ALK: variants seen among roughly 807,000 people sequenced by gnomAD.
The protein encoded by ALK is ALK receptor tyrosine kinase.
Under a neutral mutation model 163.1 loss-of-function variants are expected in ALK, and 74 were observed. That is an observed-to-expected ratio of 0.45 (90% CI 0.38 to 0.55). ALK has a LOEUF of 0.55. ALK is among the 20% of genes least tolerant of loss of function. The pLI, the probability that ALK is intolerant of heterozygous loss-of-function variation, is 0.00. For synonymous variants in ALK, 960 were observed against 843.2 expected (o/e 1.14, Z -2.40); for missense variants, 2,063 against 2,105.3 (o/e 0.98, Z 0.39).
intron 1 of ALK, among the ~76,000 whole-genome samples, chr2:29,868,178 T>C (rs1232580373): frequency 6.6e-6 from 1 of 152,034 alleles, no homozygotes; most frequent in Admixed American, 6.5e-5. Flanking sequence ...GGAGAGAAGA[T>C]GGTCTGGTTT....
At chr2:29,328,796 T>G (rs909001951) in intron 5 of ALK, among the ~76,000 whole-genome samples, 3 of 152,060 alleles carry the variant, frequency 2.0e-5, no homozygotes, top group Admixed American at 1.3e-4. Flanking sequence ...ACCCATGACT[T>G]TAGTGTGCCA....
chr2:29,450,517 A>G (rs1573365001), intron 4 of ALK, among the ~76,000 whole-genome samples: 4 of 152,198 alleles, frequency 2.6e-5, no homozygotes, highest in African/African-American at 9.7e-5. Context: ...ACAAACGCCA[A>G]TATAAGGGAT....
At chr2:29,371,890 A>G (rs1454043235) in intron 5 of ALK, among the ~76,000 whole-genome samples, 3 of 151,938 alleles carry the variant, frequency 2.0e-5, no homozygotes, top group East Asian at 1.9e-4. Flanking sequence ...ATGCCTTACT[A>G]TTGTCCCCTC....
chr2:29,773,384 G>A (rs1164549265), intron 1 of ALK, among the ~76,000 whole-genome samples: 1 of 152,094 alleles, frequency 6.6e-6, no homozygotes, highest in Non-Finnish European at 1.5e-5. Flanking sequence ...CAATCTTTCA[G>A]GGGCCCTCTG....
intron 28 of ALK, among the ~76,000 whole-genome samples, chr2:29,196,470 G>C (rs563614363): frequency 6.6e-6 from 1 of 152,274 alleles, no homozygotes; most frequent in Admixed American, 6.5e-5. Flanking sequence ...TTCAATTTTG[G>C]CTACTAAAAC....
chr2:29,556,196 A>G (rs539460431), intron 3 of ALK, among the ~76,000 whole-genome samples: 8 of 152,232 alleles, frequency 5.3e-5, no homozygotes, highest in African/African-American at 1.9e-4. Flanking sequence ...AGCTCTGACC[A>G]CCTATGCCAA....
chr2:29,262,732 C>A (rs1323657852), intron 11 of ALK, among the ~76,000 whole-genome samples: 3 of 152,216 alleles, frequency 2.0e-5, no homozygotes, highest in African/African-American at 7.2e-5. Flanking sequence ...AGTGAGCTTG[C>A]CCCCATCAAC....
intron 2 of ALK, among the ~76,000 whole-genome samples, chr2:29,714,106 C>A (rs1288854874): frequency 6.6e-6 from 1 of 151,916 alleles, no homozygotes; most frequent in African/African-American, 2.4e-5. Flanking sequence ...GTAGTTAGAG[C>A]CTAATCCTTT....
chr2:29,478,004 G>A (rs1573387592), intron 4 of ALK, among the ~76,000 whole-genome samples: 1 of 152,362 alleles, frequency 6.6e-6, no homozygotes, highest in South Asian at 2.1e-4. Flanking sequence ...TCTGAGTTCA[G>A]TATTGATGAG....
At chr2:29,727,517 T>C (rs575069648) in intron 1 of ALK, among the ~76,000 whole-genome samples, 1 of 152,288 alleles carries the variant, frequency 6.6e-6, no homozygotes, top group South Asian at 2.1e-4. Context: ...AAGCTTTGTT[T>C]CTCTGCATGT....
At chr2:29,649,377 G>A (rs1676976660) in intron 3 of ALK, among the ~76,000 whole-genome samples, 1 of 152,106 alleles carries the variant, frequency 6.6e-6, no homozygotes. Context: ...TTCAGTCACT[G>A]TGCTTTCTGT....
At chr2:29,298,828 G>A (rs767371460) in intron 8 of ALK, among the ~76,000 whole-genome samples, 3 of 151,818 alleles carry the variant, frequency 2.0e-5, no homozygotes, top group Admixed American at 6.6e-5. Context: ...TGTCTTCCAC[G>A]TTAGCCCAGC....
intron 8 of ALK, among the ~76,000 whole-genome samples, chr2:29,307,150 G>T (rs903725559): frequency 6.6e-6 from 1 of 152,138 alleles, no homozygotes; most frequent in Admixed American, 6.5e-5. Context: ...TGCATACCTC[G>T]TGGCAGCTTC....
intron 3 of ALK, among the ~76,000 whole-genome samples, chr2:29,599,229 T>C (rs1173696770): frequency 6.6e-6 from 1 of 151,652 alleles, no homozygotes; most frequent in Non-Finnish European, 1.5e-5. Context: ...AGAGGAGTAC[T>C]ATGTAATTGG....
intron 3 of ALK, among the ~76,000 whole-genome samples, chr2:29,567,507 C>T (rs527489397): frequency 1.3e-5 from 2 of 152,326 alleles, no homozygotes; most frequent in South Asian, 4.1e-4. Flanking sequence ...TTTGTCTACT[C>T]TCTGTTTCTA....
chr2:29,267,704 C>A (rs1428650472), intron 11 of ALK, among the ~76,000 whole-genome samples: 2 of 152,202 alleles, frequency 1.3e-5, no homozygotes, highest in African/African-American at 4.8e-5. Flanking sequence ...CCTAGATTCA[C>A]TGTCCACCTC....
In ALK at chr2:29,207,281, A is replaced by T. The variant is rs751082559; in HGVS notation, c.3837-9T>A. The T allele has an allele frequency of 1.2e-6, 2 of 1,612,338 alleles. No homozygotes were observed. The highest frequency in any genetic ancestry group is 1.1e-5 in the South Asian group (1 of 91,058). On this transcript the variant is annotated splice_polypyrimidine_tract_variant and intron_variant, in intron 25 of 28. Transcript: ENST00000389048. ...TTCTATAGTAGCTCGCCCTGTGGGGAAGGAGAGGAAAACCAAACTAGGATC... is the reference window on the plus strand; with the variant it reads ...TTCTATAGTAGCTCGCCCTGTGGGGTAGGAGAGGAAAACCAAACTAGGATC...
At chr2:29,323,616 C>T (rs1667143083) in intron 6 of ALK, among the ~76,000 whole-genome samples, 1 of 152,178 alleles carries the variant, frequency 6.6e-6, no homozygotes, top group Non-Finnish European at 1.5e-5. Context: ...TGAGGATTTC[C>T]ATGATTGTAA....
intron 1 of ALK, among the ~76,000 whole-genome samples, chr2:29,758,791 C>T (rs889847551): frequency 6.6e-6 from 1 of 152,140 alleles, no homozygotes; most frequent in Non-Finnish European, 1.5e-5. Context: ...CCTTCAAATT[C>T]CTGTTTTCTG....
Sources: allele counts gnomAD v4.1 joint callset (sites outside exome capture counted in the v4.1 genomes callset), GRCh38; gene constraint gnomAD v4.1.1; transcripts MANE v1.5; gene names NCBI Gene and HGNC (gene_info 2026-07-23, HGNC 2026-07-21).